SULF1: variants seen among roughly 807,000 people sequenced by gnomAD.
The protein encoded by SULF1 is extracellular sulfatase Sulf-1.
SULF1 carries 46 observed loss-of-function variants against 110.5 expected under a neutral mutation model. That is an observed-to-expected ratio of 0.42 (90% confidence interval 0.33 to 0.53). The LOEUF (loss-of-function observed/expected upper bound fraction) is 0.53. Ranked by LOEUF, SULF1 falls within the 20% of genes least tolerant of loss-of-function variation. SULF1 has a pLI of 0.12. For missense variants in SULF1, 941 were observed against 1,094.2 expected (o/e 0.86, Z 1.98); for synonymous variants, 371 against 387.1 (o/e 0.96, Z 0.49).
intron 19 of SULF1, among the ~76,000 whole-genome samples, chr8:69,630,940 G>T (rs1049183395): frequency 1.8e-4 from 27 of 151,916 alleles, no homozygotes; most frequent in African/African-American, 6.3e-4. Flanking sequence ...TTAGTATTAG[G>T]TATATCTCCT....
intron 3 of SULF1, among the ~76,000 whole-genome samples, chr8:69,553,582 A>G (rs1237475860): frequency 2.0e-5 from 3 of 152,212 alleles, no homozygotes; most frequent in Admixed American, 2.0e-4. Flanking sequence ...ATTTCACCAT[A>G]GCGAGCCAAG....
At chr8:69,616,286 C>T (rs1809139794) in intron 13 of SULF1, among the ~76,000 whole-genome samples, 1 of 151,298 alleles carries the variant, frequency 6.6e-6, no homozygotes, top group Non-Finnish European at 1.5e-5. Context: ...GTGGCTCAAT[C>T]TCGGGTCACT....
chr8:69,555,423 C>T lies in SULF1; in HGVS notation c.-133-8116C>T, dbSNP rs904940179. On this transcript the variant is annotated intron_variant, in intron 3 of 22. Coordinates refer to ENST00000402687, the MANE Select transcript of SULF1 (RefSeq NM_001128205.2). ...CTGTAATCCCAGCACTTTGGGAGGC[C>T]GGGACAGGCAGATCACTTGAGGTCA... Among the ~76,000 whole-genome samples the T allele has an allele frequency of 7.2e-5, 11 of 152,222 alleles. No homozygotes were observed. In the East Asian group the frequency reaches 1.2e-3, roughly 16 times the overall value.
chr8:69,509,299 T>G (rs560296370), intron 3 of SULF1, among the ~76,000 whole-genome samples: 2 of 152,358 alleles, frequency 1.3e-5, no homozygotes, highest in South Asian at 4.1e-4. Flanking sequence ...ATGTGTATTT[T>G]TTAATGGTTG....
intron 5 of SULF1, among the ~76,000 whole-genome samples, chr8:69,566,174 T>G (rs1815870837): frequency 6.6e-6 from 1 of 152,086 alleles, no homozygotes; most frequent in Non-Finnish European, 1.5e-5. Flanking sequence ...GCACTCCTCA[T>G]GCACTCCTAG....
intron 8 of SULF1, among the ~76,000 whole-genome samples, chr8:69,589,879 G>A (rs910815486): frequency 1.3e-5 from 2 of 152,178 alleles, no homozygotes; most frequent in African/African-American, 4.8e-5. Context: ...CCTAAGCTTT[G>A]CCATCAATAT....
At position 69,551,650 on chromosome 8, in the gene SULF1, G is replaced by A. The variant is rs541157298; in HGVS notation, c.-133-11889G>A. Among the ~76,000 whole-genome samples, 11 of 152,320 alleles carry A rather than the reference G, an allele frequency of 7.2e-5. 1 individual carries two copies. The South Asian group carries it at 2.3e-3, about 32-fold the overall frequency. Reference sequence around the variant, plus strand: ...AATGCTTAGCTGCTTCAGCCCATGCGAAGGTCTGAGGAGTCAGCCTTCACG... The same window carrying A: ...AATGCTTAGCTGCTTCAGCCCATGCAAAGGTCTGAGGAGTCAGCCTTCACG... On this transcript the variant is annotated intron_variant, in intron 3 of 22. Transcript: ENST00000402687.
intron 3 of SULF1, among the ~76,000 whole-genome samples, chr8:69,530,144 G>A (rs887943622): frequency 1.4e-4 from 21 of 152,238 alleles, no homozygotes; most frequent in Admixed American, 5.2e-4. Context: ...GAGAGCTAGC[G>A]CTTGAGGAGT....
intron 2 of SULF1, among the ~76,000 whole-genome samples, chr8:69,501,345 T>G (rs1187279272): frequency 6.6e-6 from 1 of 152,206 alleles, no homozygotes; most frequent in African/African-American, 2.4e-5. Context: ...ATATTCAAAG[T>G]GTTCAAATTT....
rs1022848801 is a variant in SULF1, at chr8:69,640,071, A to C, written c.2552-737A>C. On this transcript the variant is annotated intron_variant, in intron 21 of 22. Coordinates refer to ENST00000402687, the MANE Select transcript of SULF1 (RefSeq NM_001128205.2). Reference sequence around the variant, plus strand: ...GACCTTTTCCTCAAATCTTACAAAAAAAAGAGAGAGAGAGAGGGAGGGAGG... The same window carrying C: ...GACCTTTTCCTCAAATCTTACAAAACAAAGAGAGAGAGAGAGGGAGGGAGG... 9.2e-5 allele frequency among the ~76,000 whole-genome samples: 14 copies of C among 151,712 alleles called. 2 individuals carry two copies. Among genetic ancestry groups the C allele is most frequent in the Admixed American group, 9.2e-4 (14 of 15,206 alleles).
intron 15 of SULF1, among the ~76,000 whole-genome samples, chr8:69,625,216 T>C (rs1214358755): frequency 6.6e-6 from 1 of 152,238 alleles, no homozygotes; most frequent in African/African-American, 2.4e-5. Context: ...ATGTGAAAGG[T>C]CCCTTTTGTT....
At position 69,624,143 on chromosome 8, in the gene SULF1, T is replaced by C. The variant is rs773547923; in HGVS notation, c.1796T>C (p.Leu599Pro). The change falls in exon 15 of 23, where the codon CTG becomes CCG. Residue 599 changes from leucine to proline, a missense_variant. Physicochemically the swap from Leu to Pro is moderately conservative, Grantham distance 98. This residue lies in a region of SULF1 where 822 missense variants were observed against 934.3 expected (regional missense o/e 0.88). Coordinates refer to ENST00000402687, the MANE Select transcript of SULF1 (RefSeq NM_001128205.2). ...ASSGGNRGRM[L>P]ADSSNAVGPP... ...AGTGGTGGCAACAGGGGCAGGATGC[T>C]GGCAGATAGCAGCAACGCCGTGGGC... 1 of 1,611,972 alleles carries C rather than the reference T, an allele frequency of 6.2e-7. No homozygotes were observed. Among genetic ancestry groups the C allele is most frequent in the South Asian group, 1.1e-5 (1 of 90,938 alleles).
intron 22 of SULF1, 29 bp from the exon 23 acceptor site, chr8:69,658,476 A>G (rs377169274): frequency 9.1e-6 from 14 of 1,538,434 alleles, no homozygotes; most frequent in African/African-American, 5.5e-5. Flanking sequence ...TTCTCCACTA[A>G]TGATTCACCT....
intron 3 of SULF1, among the ~76,000 whole-genome samples, chr8:69,541,912 T>A (rs1321565570): frequency 6.6e-6 from 1 of 152,180 alleles, no homozygotes; most frequent in Admixed American, 6.5e-5. Flanking sequence ...TCACTGAAAA[T>A]ATTTGATCTT....
chr8:69,638,759 G>A lies in SULF1; in HGVS notation c.2452G>A (p.Glu818Lys). Residue 818 changes from glutamate (E) to lysine (K), a missense_variant, in exon 21 of 23, where the codon GAA (glutamate) becomes AAA (lysine). Around this residue, in one of 3 missense-constraint regions of SULF1, gnomAD observed 112 missense variants for 133.5 expected, o/e 0.84. Transcript: ENST00000402687. ...YQLTNTVHTV[E>K]RGILNQLHVQ... ...GCTCACAAATACAGTGCACACGGTA[G>A]AACGAGGCATTTTGAATCAGCTACA... 6.2e-7 allele frequency: 1 copy of A among 1,614,168 alleles called. No individual in the cohort carries two copies. Among genetic ancestry groups the A allele is most frequent in the South Asian group, 1.1e-5 (1 of 91,072 alleles).
intron 5 of SULF1, among the ~76,000 whole-genome samples, chr8:69,567,309 A>G (rs1815956684): frequency 6.6e-6 from 1 of 152,180 alleles, no homozygotes; most frequent in Admixed American, 6.5e-5. Context: ...TAATCCTTCT[A>G]GAACATTATT....
intron 5 of SULF1, among the ~76,000 whole-genome samples, chr8:69,568,376 C>T (rs1804953820): frequency 6.6e-6 from 1 of 152,158 alleles, no homozygotes; most frequent in African/African-American, 2.4e-5. Context: ...AGTACTAGTT[C>T]ATTATGAGCA....
At chr8:69,538,270 G>T (rs1186301909) in intron 3 of SULF1, among the ~76,000 whole-genome samples, 11 of 77,104 alleles carry the variant, frequency 1.4e-4, no homozygotes, top group South Asian at 5.8e-4. Context: ...TTACATTTCT[G>T]TTGCCTTTTT....
intron 19 of SULF1, among the ~76,000 whole-genome samples, chr8:69,633,093 A>T (rs940498322): frequency 2.0e-5 from 3 of 152,178 alleles, no homozygotes; most frequent in Non-Finnish European, 4.4e-5. Context: ...ATAAACGTTT[A>T]AAAAAGAGTT....
Sources: gnomAD v4.1 joint callset for allele counts (sites outside exome capture counted in the v4.1 genomes callset) on GRCh38, gnomAD v4.1.1 for gene constraint, gnomAD v4.1.1 regional missense constraint, MANE v1.5 for transcripts, NCBI Gene and HGNC (gene_info 2026-07-23, HGNC 2026-07-21) for gene names.